FAM217A: variants seen among roughly 807,000 people sequenced by gnomAD.
The protein encoded by FAM217A is protein FAM217A.
FAM217A carries 13 observed loss-of-function variants against 18.5 expected under a neutral mutation model. The observed-to-expected ratio is 0.70, with a 90% CI of 0.46 to 1.12. The LOEUF (loss-of-function observed/expected upper bound fraction) is 1.12, where lower values mean the gene tolerates loss of function less well. Ranked by LOEUF, FAM217A falls within the 50% of genes most tolerant of loss-of-function variation. The pLI, the probability that FAM217A is intolerant of heterozygous loss-of-function variation, is 0.00. For synonymous variants in FAM217A, 161 were observed against 202.8 expected, an observed-to-expected ratio of 0.79 and a Z score of 1.75; for missense variants, 560 against 575.4, an observed-to-expected ratio of 0.97 and a Z score of 0.27.
At chr6:4,083,907 C>T (rs1025253692), upstream of FAM217A, among the ~76,000 whole-genome samples, 1 of 152,102 alleles carries the variant, frequency 6.6e-6, no homozygotes, top group Non-Finnish European at 1.5e-5. Context: ...AAAGTTAGGA[C>T]ACTATTTTCT....
intron 6 of FAM217A, among the ~76,000 whole-genome samples, chr6:4,070,927 T>G (rs546031375): frequency 6.6e-6 from 1 of 151,978 alleles, no homozygotes; most frequent in South Asian, 2.1e-4. Context: ...GCCTCAGAGG[T>G]TGAGGCTGCA....
chr6:4,071,785 A>G (rs1311954370), intron 6 of FAM217A, among the ~76,000 whole-genome samples: 1 of 152,202 alleles, frequency 6.6e-6, no homozygotes, highest in East Asian at 1.9e-4. Context: ...GAATTTTAAC[A>G]TAAAGTGAAC....
At chr6:4,082,743 G>A (rs540388840), upstream of FAM217A, among the ~76,000 whole-genome samples, 22 of 152,298 alleles carry the variant, frequency 1.4e-4, 1 homozygote, top group African/African-American at 4.8e-4. Flanking sequence ...ATACTTTGTT[G>A]AACCTAAGCA....
intron 2 of FAM217A, among the ~76,000 whole-genome samples, chr6:4,076,149 C>T (rs957617399): frequency 2.6e-5 from 4 of 151,688 alleles, no homozygotes; most frequent in Non-Finnish European, 5.9e-5. Flanking sequence ...GCCAACATGT[C>T]GAAACCCCAT....
At chr6:4,074,502 AT>A in intron 3 of FAM217A, 46 bp from the exon 4 acceptor site, 1 of 1,579,938 alleles carries the variant, frequency 6.3e-7, no homozygotes, top group Non-Finnish European at 8.7e-7. Context: ...CATAAAACTG[AT>A]TATATTCAAA....
exon 2 of FAM217A, chr6:4,084,639 T>A (rs910663480): frequency 4.3e-6 from 3 of 702,916 alleles, no homozygotes; most frequent in Non-Finnish European, 7.8e-6. Flanking sequence ...CCCTCCCACC[T>A]CATTTGTTGT....
chr6:4,079,596 G>A (rs2113885768), upstream of FAM217A: 2 of 1,287,660 alleles, frequency 1.6e-6, no homozygotes, highest in Non-Finnish European at 2.0e-6. Flanking sequence ...CATGGCCAGT[G>A]GGCCTCTGGG....
rs1480715426 is a variant in FAM217A at position 4,078,993 on chromosome 6, G to A, written c.-176C>T. On this transcript the variant is annotated 5_prime_UTR_variant, in exon 1 of 7. Transcript: ENST00000274673. ...CCTGCAGCGGGGGGACAAAGAGGGCGGCGGGCGGCTGGCGGCCTTGAGCGC... is the reference window on the plus strand; with the variant it reads ...CCTGCAGCGGGGGGACAAAGAGGGCAGCGGGCGGCTGGCGGCCTTGAGCGC... 1.4e-5 allele frequency: 7 copies of A among 483,786 alleles called. No homozygotes were observed. The East Asian group carries it at 1.8e-4, about 12-fold the overall frequency. 30.0% of individuals were successfully genotyped at this position (483,786 alleles called of 1,614,324 possible). A position where few individuals can be genotyped will look rare whatever the true frequency, so the allele number is the denominator to read the frequency against.
intron 1 of FAM217A, among the ~76,000 whole-genome samples, chr6:4,078,140 G>A (rs548783496): frequency 7.1e-6 from 1 of 140,662 alleles, no homozygotes. Flanking sequence ...TGCAACCTCC[G>A]CCTCCCGGGT....
intron 2 of FAM217A, chr6:4,084,442 A>C: frequency 1.7e-6 from 1 of 597,256 alleles, no homozygotes; most frequent in Non-Finnish European, 3.0e-6. Context: ...TTGATTTAAG[A>C]CTTGATTTCT....
upstream of FAM217A, among the ~76,000 whole-genome samples, chr6:4,082,360 G>A (rs1444193571): frequency 2.6e-5 from 4 of 152,144 alleles, no homozygotes; most frequent in African/African-American, 9.7e-5. Context: ...AATAGCCTCA[G>A]AAACACGTTT....
chr6:4,079,138 G>C (rs534502078), upstream of FAM217A: 1 of 341,134 alleles, frequency 2.9e-6, no homozygotes, highest in African/African-American at 2.2e-5. Flanking sequence ...CTTCCCCACC[G>C]GCCGGGTCTC....
At chr6:4,080,147 A>G (rs189401107), upstream of FAM217A, among the ~76,000 whole-genome samples, 6 of 152,302 alleles carry the variant, frequency 3.9e-5, no homozygotes, top group Admixed American at 3.3e-4. Context: ...AAATGCACTT[A>G]TATACCACAT....
At position 4,073,341 on chromosome 6, in the gene FAM217A, T is replaced by C; in HGVS notation, c.236A>G (p.Asn79Ser). 6.2e-7 allele frequency: 1 copy of C among 1,607,954 alleles called. No homozygotes were observed. Among genetic ancestry groups the C allele is most frequent in the Non-Finnish European group, 8.5e-7 (1 of 1,177,824 alleles). The stretch of plus-strand genomic sequence containing the variant: ...TAATTGAAAGATCCCTTGTTTACTA[T>C]TCTGATGACAGAAAAATAATGGGTA... ...LSVHSQKSTQNSKQGIFQLWN... is the reference protein window; with the variant it reads ...LSVHSQKSTQSSKQGIFQLWN... The change falls in exon 6 of 7, where the codon AAT becomes AGT. Residue 79 changes from asparagine to serine, a missense_variant and splice_region_variant. Asn to Ser is a conservative substitution (Grantham distance 46). Coordinates refer to ENST00000274673, the MANE Select transcript of FAM217A (RefSeq NM_173563.3).
intron 6 of FAM217A, among the ~76,000 whole-genome samples, chr6:4,072,763 A>C (rs1296514503): frequency 3.9e-4 from 1 of 2,574 alleles, no homozygotes; most frequent in African/African-American, 5.5e-4. Flanking sequence ...ACTCCGTCTC[A>C]AAAAAAAAAA....
At chr6:4,078,385 GTCTA>G (rs1258410148) in intron 1 of FAM217A, among the ~76,000 whole-genome samples, 1 of 152,134 alleles carries the variant, frequency 6.6e-6, no homozygotes, top group African/African-American at 2.4e-5. Context: ...GCAGTAATCG[GTCTA>G]TCTGCTAATC....
intron 1 of FAM217A, among the ~76,000 whole-genome samples, chr6:4,078,403 T>C (rs1265386013): frequency 6.6e-6 from 1 of 152,172 alleles, no homozygotes; most frequent in African/African-American, 2.4e-5. Context: ...GCTAATCGTT[T>C]ACAATTGATT....
At chr6:4,077,545 G>A (rs1309931692) in intron 1 of FAM217A, 97 bp from the exon 2 acceptor site, 1 of 1,036,162 alleles carries the variant, frequency 9.7e-7, no homozygotes, top group Non-Finnish European at 1.5e-6. Flanking sequence ...GGAGGTAAGA[G>A]AATGCTTAGA....
chr6:4,069,525 T>G lies in FAM217A; in HGVS notation c.698A>C (p.Asn233Thr), dbSNP rs777351036. ...DLNLKPETIK[N>T]VEEPFTEEPN... ...CTCCTCGGTGAAAGGTTCCTCAACATTTTTTATTGTTTCTGGCTTCAAGTT... is the reference window on the plus strand; with the variant it reads ...CTCCTCGGTGAAAGGTTCCTCAACAGTTTTTATTGTTTCTGGCTTCAAGTT... Residue 233 changes from asparagine to threonine, a missense_variant, in exon 7 of 7, where the codon AAT (asparagine) becomes ACT (threonine). Coordinates refer to ENST00000274673, the MANE Select transcript of FAM217A (RefSeq NM_173563.3). The G allele has an allele frequency of 3.1e-6, 5 of 1,614,174 alleles. No homozygotes were observed. The South Asian group carries it at 5.5e-5, about 18-fold the overall frequency.
Sources: allele counts gnomAD v4.1 joint callset (sites outside exome capture counted in the v4.1 genomes callset), GRCh38; gene constraint gnomAD v4.1.1; transcripts MANE v1.5; gene names NCBI Gene and HGNC (gene_info 2026-07-23, HGNC 2026-07-21).